Variants in AUTS2 observed in about 807,000 individuals in gnomAD.
AUTS2 encodes the protein autism susceptibility gene 2 protein.
In AUTS2, 17 loss-of-function variants were observed where a neutral mutation model predicts 112.4. That is an observed-to-expected ratio of 0.15 (90% CI 0.10 to 0.23). AUTS2 has a LOEUF of 0.23. AUTS2 is among the 10% of genes least tolerant of loss of function. The pLI is 1.00. For missense variants in AUTS2, 1,510 were observed against 1,701.6 expected (o/e 0.89, Z 1.98); for synonymous variants, 751 against 702.7 (o/e 1.07, Z -1.09).
chr7:70,430,422 G>C (rs1219717126), intron 4 of AUTS2, among the ~76,000 whole-genome samples: 1 of 152,126 alleles, frequency 6.6e-6, no homozygotes, highest in Non-Finnish European at 1.5e-5. Context: ...TTGTTTACAT[G>C]TATTAACTCA....
intron 5 of AUTS2, chr7:70,596,379 A>G (rs1803210194): frequency 6.6e-6 from 1 of 152,186 alleles, no homozygotes; most frequent in Non-Finnish European, 1.5e-5. Context: ...AGTGCCCGCG[A>G]ACCCACCTCG....
chr7:69,767,742 C>T lies in AUTS2; in HGVS notation c.310-131544C>T, dbSNP rs535739047. On this transcript the variant is annotated intron_variant, in intron 1 of 18. Coordinates refer to ENST00000342771, the MANE Select transcript of AUTS2 (RefSeq NM_015570.4). Reference sequence around the variant, plus strand: ...CGGATTCCAGCAGGTACATCCTCTCCAATACCTTACCTGGTAAGCTGTCTA... The same window carrying T: ...CGGATTCCAGCAGGTACATCCTCTCTAATACCTTACCTGGTAAGCTGTCTA... 7.9e-5 allele frequency among the ~76,000 whole-genome samples: 12 copies of T among 152,328 alleles called. No individual in the cohort carries two copies. The East Asian group carries it at 2.1e-3, about 27-fold the overall frequency.
intron 1 of AUTS2, among the ~76,000 whole-genome samples, chr7:69,833,961 G>C (rs892607390): frequency 1.3e-5 from 2 of 152,100 alleles, no homozygotes. Flanking sequence ...TGACCCTCTG[G>C]GATTGGGCAC....
chr7:69,662,653 C>G (rs940907504), intron 1 of AUTS2, among the ~76,000 whole-genome samples: 1 of 152,194 alleles, frequency 6.6e-6, no homozygotes, highest in Non-Finnish European at 1.5e-5. Context: ...AAGCACCACT[C>G]AAGTATCAGT....
intron 4 of AUTS2, among the ~76,000 whole-genome samples, chr7:70,272,675 A>T (rs1440106468): frequency 6.6e-6 from 1 of 152,108 alleles, no homozygotes; most frequent in African/African-American, 2.4e-5. Context: ...AGAAGGTTTT[A>T]CAGAACAGAT....
intron 4 of AUTS2, among the ~76,000 whole-genome samples, chr7:70,241,743 C>G (rs1812625668): frequency 6.6e-6 from 1 of 152,108 alleles, no homozygotes; most frequent in African/African-American, 2.4e-5. Context: ...AAGGTCAGGC[C>G]TTTGTAATGT....
chr7:69,965,915 AT>A (rs1183327169), intron 2 of AUTS2, among the ~76,000 whole-genome samples: 1 of 152,164 alleles, frequency 6.6e-6, no homozygotes, highest in Non-Finnish European at 1.5e-5. Flanking sequence ...CTGAAATACT[AT>A]TAGACTGTTA....
At chr7:70,318,279 C>A (rs560715366) in intron 4 of AUTS2, among the ~76,000 whole-genome samples, 25 of 151,726 alleles carry the variant, frequency 1.6e-4, no homozygotes, top group Non-Finnish European at 3.5e-4. Context: ...GACTGGAGGC[C>A]AGTTAGGACG....
chr7:70,456,785 C>T (rs1012201459), intron 5 of AUTS2, among the ~76,000 whole-genome samples: 3 of 152,238 alleles, frequency 2.0e-5, no homozygotes, highest in Admixed American at 6.5e-5. Flanking sequence ...ATGACCTCTC[C>T]TCCCAGCTGC....
intron 1 of AUTS2, among the ~76,000 whole-genome samples, chr7:69,709,671 G>T (rs141462601): frequency 6.6e-6 from 1 of 152,312 alleles, no homozygotes; most frequent in African/African-American, 2.4e-5. Context: ...GACTCAAGTG[G>T]AAAGGGCAAA....
chr7:69,971,912 A>G (rs997635236), intron 2 of AUTS2, among the ~76,000 whole-genome samples: 3 of 152,178 alleles, frequency 2.0e-5, no homozygotes, highest in African/African-American at 7.2e-5. Flanking sequence ...TGTTGTGAAC[A>G]TAAGTTTTCT....
intron 1 of AUTS2, among the ~76,000 whole-genome samples, chr7:69,876,505 TA>T (rs1793799667): frequency 7.3e-5 from 1 of 13,780 alleles, no homozygotes; most frequent in African/African-American, 4.0e-4. Flanking sequence ...TATATATATA[TA>T]TATATATATA....
intron 1 of AUTS2, among the ~76,000 whole-genome samples, chr7:69,762,245 T>C (rs1788215808): frequency 6.6e-6 from 1 of 151,030 alleles, no homozygotes; most frequent in Non-Finnish European, 1.5e-5. Context: ...TTCTTTCCAG[T>C]TCTTTCACTT....
chr7:69,896,758 A>G (rs1177165816), intron 1 of AUTS2, among the ~76,000 whole-genome samples: 1 of 152,158 alleles, frequency 6.6e-6, no homozygotes, highest in Non-Finnish European at 1.5e-5. Context: ...ACTGAGATGA[A>G]CTACTTAGTC....
At position 69,710,925 on chromosome 7, in the gene AUTS2, C is replaced by T. The variant is rs1055218392; in HGVS notation, c.309+110963C>T. Among the ~76,000 whole-genome samples the T allele has an allele frequency of 3.3e-5, 5 of 152,106 alleles. No individual in the cohort carries two copies. In the South Asian group the frequency reaches 8.3e-4, roughly 25 times the overall value. ...TGAACTGGCCTGTGGAGGAAGATCT[C>T]ATTGTCAGGGCTGGTCTCAATGGCA... is the stretch of plus-strand genomic sequence containing the variant. On this transcript the variant is annotated intron_variant, in intron 1 of 18. Transcript: ENST00000342771.
intron 2 of AUTS2, among the ~76,000 whole-genome samples, chr7:70,025,977 G>C (rs987418948): frequency 1.3e-5 from 2 of 152,078 alleles, no homozygotes; most frequent in African/African-American, 4.8e-5. Flanking sequence ...GGCACGAAAA[G>C]CTGTAAGGAG....
chr7:70,082,388 A>G (rs1013053381), intron 2 of AUTS2, among the ~76,000 whole-genome samples: 1 of 152,208 alleles, frequency 6.6e-6, no homozygotes, highest in African/African-American at 2.4e-5. Context: ...TCAGGCTAAG[A>G]TCACATGTCT....
rs1177627032 is a variant in AUTS2, at chr7:70,695,463, A to G, written c.691-3106A>G. Among the ~76,000 whole-genome samples the G allele has an allele frequency of 2.6e-5, 4 of 152,302 alleles. No homozygotes were observed. In the East Asian group the frequency reaches 7.7e-4, roughly 30 times the overall value. On this transcript the variant is annotated intron_variant, in intron 5 of 18. Transcript: ENST00000342771. ...CCCGGCCCGCACCCGGTGCCAAGGG[A>G]GGCGAAAGGAGATCTGGGCTCGGGT...
chr7:69,982,710 C>T, intron 2 of AUTS2, among the ~76,000 whole-genome samples: 1 of 152,206 alleles, frequency 6.6e-6, no homozygotes, highest in African/African-American at 2.4e-5. Context: ...AAACAGCGGC[C>T]TGGCCATTTG....
Sources: allele counts gnomAD v4.1 joint callset (sites outside exome capture counted in the v4.1 genomes callset), GRCh38; gene constraint gnomAD v4.1.1; transcripts MANE v1.5; gene names NCBI Gene and HGNC (gene_info 2026-07-23, HGNC 2026-07-21).